The following ADGRL4 variants were observed in gnomAD, a reference collection of about 807,000 sequenced individuals.
ADGRL4 encodes EGF, latrophilin and seven transmembrane domain containing 1.
ADGRL4 carries 90 observed loss-of-function variants against 74.8 expected under a neutral mutation model. The ratio of observed to expected loss-of-function variants is 1.20; its 90% CI spans 1.02 to 1.43. The LOEUF (loss-of-function observed/expected upper bound fraction) is 1.43, where lower values mean the gene tolerates loss of function less well. ADGRL4 is among the 40% of genes most tolerant of loss of function. The pLI is 0.00. For missense variants in ADGRL4, 881 were observed against 814.3 expected, an observed-to-expected ratio of 1.08 and a Z score of -1.00; for synonymous variants, 311 against 279.2, an observed-to-expected ratio of 1.11 and a Z score of -1.14.
At position 78,930,876 on chromosome 1, in the gene ADGRL4, T is replaced by C. The variant is rs575406789; in HGVS notation, c.878-3785A>G. On this transcript the variant is annotated intron_variant, in intron 7 of 14. Transcript: ENST00000370742. ...CATCCATATAAGAAGGATATTCAGT[T>C]ATTTAATCATTAATTTGCTTGCTAG... is the stretch of plus-strand genomic sequence containing the variant. 3.4e-4 allele frequency among the ~76,000 whole-genome samples: 51 copies of C among 151,604 alleles called. 1 individual carries two copies. In the South Asian group the frequency reaches 0.01, roughly 31 times the overall value.
intron 2 of ADGRL4, among the ~76,000 whole-genome samples, chr1:78,997,294 A>G (rs970642378): frequency 3.9e-5 from 6 of 152,168 alleles, no homozygotes; most frequent in African/African-American, 7.2e-5. Flanking sequence ...AATAAATTGA[A>G]TATTTGCAGC....
At chr1:78,916,847 C>T (rs1312310727) in intron 12 of ADGRL4, among the ~76,000 whole-genome samples, 1 of 151,854 alleles carries the variant, frequency 6.6e-6, no homozygotes, top group Non-Finnish European at 1.5e-5. Context: ...TTTGTCAGCC[C>T]TCCCAGATTC....
chr1:78,990,273 T>A (rs1650581487), intron 2 of ADGRL4, among the ~76,000 whole-genome samples: 1 of 151,944 alleles, frequency 6.6e-6, no homozygotes, highest in Admixed American at 6.6e-5. Flanking sequence ...CATATTTCTA[T>A]CCAATTTTAA....
intron 2 of ADGRL4, among the ~76,000 whole-genome samples, chr1:78,999,864 T>C (rs183284604): frequency 2.7e-5 from 4 of 148,704 alleles, no homozygotes; most frequent in South Asian, 4.3e-4. Flanking sequence ...ACCTATCAAC[T>C]TTATAAACTG....
At chr1:78,936,770 A>G (rs1230896041) in intron 6 of ADGRL4, among the ~76,000 whole-genome samples, 2 of 152,202 alleles carry the variant, frequency 1.3e-5, no homozygotes, top group Non-Finnish European at 2.9e-5. Context: ...GATTTAATTA[A>G]ACGTTTGAGT....
chr1:78,998,664 C>T (rs1261156264), intron 2 of ADGRL4, among the ~76,000 whole-genome samples: 1 of 152,020 alleles, frequency 6.6e-6, no homozygotes, highest in African/African-American at 2.4e-5. Context: ...CCGCACCCAG[C>T]CAGTTTCTTA....
chr1:78,899,221 AG>A (rs1557490371), intron 12 of ADGRL4, among the ~76,000 whole-genome samples: 1 of 152,176 alleles, frequency 6.6e-6, no homozygotes. Flanking sequence ...ATTACCTTTA[AG>A]TCAACTGGCC....
chr1:78,935,105 G>A (rs1194454002), intron 7 of ADGRL4, among the ~76,000 whole-genome samples: 3 of 152,108 alleles, frequency 2.0e-5, no homozygotes, highest in African/African-American at 7.2e-5. Flanking sequence ...ACATGGGCAC[G>A]TATGTTTATT....
chr1:78,998,883 G>T (rs572403831), intron 2 of ADGRL4, among the ~76,000 whole-genome samples: 2 of 152,088 alleles, frequency 1.3e-5, no homozygotes, highest in Non-Finnish European at 2.9e-5. Context: ...ATAAATTGGG[G>T]ATAACACCAG....
At chr1:78,962,559 T>A (rs1649976651) in intron 2 of ADGRL4, among the ~76,000 whole-genome samples, 1 of 152,122 alleles carries the variant, frequency 6.6e-6, no homozygotes, top group Non-Finnish European at 1.5e-5. Flanking sequence ...GTCTCCCCCA[T>A]CCAAGCTGAA....
intron 2 of ADGRL4, among the ~76,000 whole-genome samples, chr1:78,968,952 G>A (rs1485644610): frequency 3.3e-5 from 5 of 152,308 alleles, no homozygotes; most frequent in African/African-American, 1.2e-4. Flanking sequence ...ATGAGGAGCT[G>A]AAATGTTCAA....
rs191549424 is a variant in ADGRL4 at position 78,999,447 on chromosome 1, C to T, written c.172+5623G>A. On this transcript the variant is annotated intron_variant, in intron 2 of 14. Transcript: ENST00000370742. Reference sequence around the variant, plus strand: ...AATTAGCCCGGCGTCGTGGCAGGCGCCTGTAGTCCTAGCTACTCGGGAGGC... The same window carrying T: ...AATTAGCCCGGCGTCGTGGCAGGCGTCTGTAGTCCTAGCTACTCGGGAGGC... Among the ~76,000 whole-genome samples, 283 of 152,204 alleles carry T rather than the reference C, an allele frequency of 1.9e-3. 2 individuals are homozygous for T. The highest frequency in any genetic ancestry group is 2.1e-3 in the East Asian group (11 of 5,182).
intron 3 of ADGRL4, among the ~76,000 whole-genome samples, chr1:78,946,022 CACTT>C (rs1649593364): frequency 6.6e-6 from 1 of 152,054 alleles, no homozygotes; most frequent in East Asian, 1.9e-4. Flanking sequence ...ACATTTCTCT[CACTT>C]TCTTTTATTT....
Position 78,920,503 on chromosome 1 carries a change from T to C in ADGRL4, c.1258-117A>G, listed in dbSNP as rs1015272088. 3.0e-5 allele frequency: 20 copies of C among 675,948 alleles called. No individual in the cohort carries two copies. In the African/African-American group the frequency reaches 3.3e-4, roughly 11 times the overall value. The allele number at this position is 675,948 out of a possible 1,614,324, so 41.9% of individuals were successfully genotyped here. On this transcript the variant is annotated intron_variant, in intron 9 of 14. Transcript: ENST00000370742. ...AACATTAATCAAAATGTTCATAAAA[T>C]GTAAAAATATAAATGTGCATTTAGA...
At chr1:78,997,387 T>G (rs1650739270) in intron 2 of ADGRL4, among the ~76,000 whole-genome samples, 1 of 152,212 alleles carries the variant, frequency 6.6e-6, no homozygotes, top group African/African-American at 2.4e-5. Context: ...ATGGTGGTTT[T>G]TAGGCACTGG....
At chr1:79,005,546 T>C (rs1357557169) in intron 1 of ADGRL4, among the ~76,000 whole-genome samples, 2 of 152,194 alleles carry the variant, frequency 1.3e-5, no homozygotes, top group African/African-American at 4.8e-5. Context: ...TTACCCTTCA[T>C]TCTGAGGTGA....
chr1:79,006,578 T>G, intron 1 of ADGRL4, 55 bp downstream of exon 1: 1 of 1,532,102 alleles, frequency 6.5e-7, no homozygotes, highest in South Asian at 1.2e-5. Context: ...TCCAGTCCCC[T>G]ACAAGGGATT....
At chr1:78,916,272 T>C (rs1201633660) in intron 12 of ADGRL4, among the ~76,000 whole-genome samples, 1 of 151,900 alleles carries the variant, frequency 6.6e-6, no homozygotes, top group Non-Finnish European at 1.5e-5. Context: ...TCATGCTACT[T>C]TTTATCTAAA....
At chr1:78,919,617 C>T (rs1640500228) in intron 10 of ADGRL4, among the ~76,000 whole-genome samples, 1 of 151,910 alleles carries the variant, frequency 6.6e-6, no homozygotes, top group Admixed American at 6.6e-5. Context: ...CCCATTTGCT[C>T]TCCCCAGCAA....
Sources: gnomAD v4.1 joint callset for allele counts (sites outside exome capture counted in the v4.1 genomes callset) on GRCh38, gnomAD v4.1.1 for gene constraint, MANE v1.5 for transcripts, NCBI Gene and HGNC (gene_info 2026-07-23, HGNC 2026-07-21) for gene names.